CYP11B1: variants seen among roughly 807,000 people sequenced by gnomAD.
The protein encoded by CYP11B1 is cytochrome P450 11B1, mitochondrial.
CYP11B1 carries 34 observed loss-of-function variants against 48.3 expected under a neutral mutation model. The ratio of observed to expected loss-of-function variants is 0.70; its 90% CI spans 0.54 to 0.94. CYP11B1 has a LOEUF of 0.94. Among genes scored for constraint, CYP11B1 ranks in the 40% least tolerant of loss-of-function variants. The probability of loss-of-function intolerance (pLI) is 0.00; values close to 1 mark genes in which losing one functional copy is unlikely to be tolerated. For missense variants in CYP11B1, 688 were observed against 657.4 expected, an observed-to-expected ratio of 1.05 and a Z score of -0.51; for synonymous variants, 291 against 262.5, an observed-to-expected ratio of 1.11 and a Z score of -1.05.
At chr8:142,877,702 T>C in intron 2 of CYP11B1, 2 of 1,552,018 alleles carry the variant, frequency 1.3e-6, no homozygotes, top group Non-Finnish European at 1.8e-6. Context: ...CCCAGTGAAG[T>C]GTCTGCATCT....
At chr8:142,878,966 C>T in intron 2 of CYP11B1, 66 bp downstream of exon 2, 4 of 1,591,260 alleles carry the variant, frequency 2.5e-6, no homozygotes, top group Non-Finnish European at 2.6e-6. Context: ...TTGGGTCCTG[C>T]CTCTCTCGCC....
Position 142,874,944 on chromosome 8 carries a change from C to T in CYP11B1, c.1398+13G>A, listed in dbSNP as rs749310551. 13 of 1,612,364 alleles carry T rather than the reference C, an allele frequency of 8.1e-6. No individual in the cohort carries two copies. The highest frequency in any genetic ancestry group is 1.1e-5 in the South Asian group (1 of 91,022). On this transcript the variant is annotated intron_variant, in intron 8 of 8. Coordinates refer to ENST00000292427, the MANE Select transcript of CYP11B1 (RefSeq NM_000497.4). ...ACCCCGCCCAGGCCCCTCCCCAGCC[C>T]GGGCCTGCTCACATGGTGCAGCAGC...
chr8:142,879,188 C>A lies in CYP11B1; in HGVS notation c.240-1G>T. On this transcript the variant is annotated splice_acceptor_variant, in intron 1 of 8. Coordinates refer to ENST00000292427, the MANE Select transcript of CYP11B1 (RefSeq NM_000497.4). LOFTEE classifies it high-confidence loss of function. ...CATGCCTGCTCCTCCCAAGTCGTAC[C>A]TGTGGGGCCAAGCACGAGGCCGTGC... is the stretch of plus-strand genomic sequence containing the variant. 1 of 1,614,074 alleles carries A rather than the reference C, an allele frequency of 6.2e-7. No homozygotes were observed. The highest frequency in any genetic ancestry group is 8.5e-7 in the Non-Finnish European group (1 of 1,180,002).
chr8:142,876,407 G>A lies in CYP11B1; in HGVS notation c.800-12C>T, dbSNP rs376065546. 82 of 1,611,178 alleles carry A rather than the reference G, an allele frequency of 5.1e-5. No individual in the cohort carries two copies. The highest frequency in any genetic ancestry group is 6.6e-5 in the Non-Finnish European group (78 of 1,178,632). On this transcript the variant is annotated splice_polypyrimidine_tract_variant and intron_variant, in intron 4 of 8. Coordinates refer to ENST00000292427, the MANE Select transcript of CYP11B1 (RefSeq NM_000497.4). ...GATACAGTTGTCGCCTATCCGGGGAGCGGGAGGCAGCCCTCAGACTTTGGT... is the reference window on the plus strand; with the variant it reads ...GATACAGTTGTCGCCTATCCGGGGAACGGGAGGCAGCCCTCAGACTTTGGT...
chr8:142,876,615 G>A, intron 4 of CYP11B1, 67 bp downstream of exon 4: 1 of 1,568,158 alleles, frequency 6.4e-7, no homozygotes, highest in Non-Finnish European at 8.6e-7. Context: ...ACTGGGTGGT[G>A]GAGAGGGAGA....
chr8:142,874,392 G>C lies in CYP11B1; in HGVS notation c.1493C>G (p.Thr498Ser). Residue 498 changes from threonine (T) to serine (S), a missense_variant, in exon 9 of 9, where the codon ACC (threonine) becomes AGC (serine). Thr to Ser is a moderately conservative substitution (Grantham distance 58). Coordinates refer to ENST00000292427, the MANE Select transcript of CYP11B1 (RefSeq NM_000497.4). ...ACGTGATTAGTTGATGGCTCTGAAG[G>C]TGAGGAGGGGGAACATGCTGGGCCT... ...ILRPSMFPLLTFRAIN is the reference protein window; with the variant it reads ...ILRPSMFPLLSFRAIN 8 of 1,613,590 alleles carry C rather than the reference G, an allele frequency of 5.0e-6. No individual in the cohort carries two copies. The highest frequency in any genetic ancestry group is 6.8e-6 in the Non-Finnish European group (8 of 1,179,500).
chr8:142,876,411 G>C lies in CYP11B1; in HGVS notation c.800-16C>G, dbSNP rs1047606645. The C allele has an allele frequency of 8.1e-6, 13 of 1,610,700 alleles. No individual in the cohort carries two copies. In the African/African-American group the frequency reaches 1.3e-4, roughly 17 times the overall value. On this transcript the variant is annotated splice_polypyrimidine_tract_variant and intron_variant, in intron 4 of 8. Transcript: ENST00000292427. ...CAGTTGTCGCCTATCCGGGGAGCGG[G>C]AGGCAGCCCTCAGACTTTGGTGCTG...
Position 142,874,289 on chromosome 8 carries a change from A to G in CYP11B1, c.*84T>C. 1.1e-6 allele frequency: 1 copy of G among 913,312 alleles called. No individual in the cohort carries two copies. The highest frequency in any genetic ancestry group is 1.3e-5 in the South Asian group (1 of 76,790). The allele number at this position is 913,312 out of a possible 1,614,324, so 56.6% of individuals were successfully genotyped here. ...AGAGGGGTGACTCAGGAAGCTGTGCATGTGGGAGAGAAGAGGGGTGGCCTG... is the reference window on the plus strand; with the variant it reads ...AGAGGGGTGACTCAGGAAGCTGTGCGTGTGGGAGAGAAGAGGGGTGGCCTG... On this transcript the variant is annotated 3_prime_UTR_variant, in exon 9 of 9. Transcript: ENST00000292427.
rs199962349 is a variant in CYP11B1 at position 142,876,271 on chromosome 8, A to G, written c.924T>C (p.Ser308=). The change falls in exon 5 of 9, where the codon TCT becomes TCC. Residue 308 remains serine (S), a synonymous_variant. Transcript: ENST00000292427. ...ELSPDAIKAN[S]MELTAGSVDT... ...CCACGCTCCCTGCAGTGAGTTCCAT[A>G]GAGTTGGCCTTGATGGCATCTGGCG... The G allele has an allele frequency of 6.2e-7, 1 of 1,614,188 alleles. No homozygotes were observed. Among genetic ancestry groups the G allele is most frequent in the East Asian group, 2.2e-5 (1 of 44,862 alleles).
Position 142,872,542 on chromosome 8 carries a change from T to G in CYP11B1, c.*1831A>C, listed in dbSNP as rs950171451. The G allele has an allele frequency of 6.6e-6, 1 of 152,222 alleles. No individual in the cohort carries two copies. The highest frequency in any genetic ancestry group is 1.9e-4 in the East Asian group (1 of 5,204). The allele number at this position is 152,222 out of a possible 1,614,324, so 9.4% of individuals were successfully genotyped here. ...TTTCATAGGTTCGCAGCAAGAACAG[T>G]TGGACTCAGGATAAATTGTACCTTG... On this transcript the variant is annotated 3_prime_UTR_variant, in exon 9 of 9. Transcript: ENST00000292427.
Position 142,874,359 on chromosome 8 carries a change from G to A in CYP11B1, c.*14C>T, listed in dbSNP as rs748474625. 1.9e-6 allele frequency: 3 copies of A among 1,586,576 alleles called. No individual in the cohort carries two copies. The highest frequency in any genetic ancestry group is 1.3e-5 in the African/African-American group (1 of 74,480). ...GCTGGTGGCCAGGCTGGGACCCTGG[G>A]TGCAGAGACGTGATTAGTTGATGGC... On this transcript the variant is annotated 3_prime_UTR_variant, in exon 9 of 9. Transcript: ENST00000292427.
Position 142,879,805 on chromosome 8 carries a change from G to C in CYP11B1, c.9C>G (p.Leu3=), listed in dbSNP as rs200581194. MA[L]RAKAEVCMAV... ...CCATGCACACCTCTGCCTTTGCCCTGAGTGCCATTCCAATGCTCCCTCCAC... is the reference window on the plus strand; with the variant it reads ...CCATGCACACCTCTGCCTTTGCCCTCAGTGCCATTCCAATGCTCCCTCCAC... Residue 3 remains leucine (L), a synonymous_variant, in exon 1 of 9, where the codon CTC becomes CTG. Transcript: ENST00000292427. 5 of 1,613,660 alleles carry C rather than the reference G, an allele frequency of 3.1e-6. No individual in the cohort carries two copies. Among genetic ancestry groups the C allele is most frequent in the Admixed American group, 3.3e-5 (2 of 60,012 alleles).
intron 8 of CYP11B1, 28 bp downstream of exon 8, chr8:142,874,929 G>A (rs1447865557): frequency 6.2e-7 from 1 of 1,611,158 alleles, no homozygotes; most frequent in Non-Finnish European, 8.5e-7. Flanking sequence ...ACCCCGCCCA[G>A]GCCCCTCCCC....
chr8:142,878,026 C>T (rs996540991), intron 2 of CYP11B1, among the ~76,000 whole-genome samples: 6 of 150,298 alleles, frequency 4.0e-5, no homozygotes, highest in South Asian at 2.2e-4. Context: ...CAGAGACACT[C>T]GTGCACACAC....
chr8:142,876,009 C>G (rs1234509572), intron 5 of CYP11B1, 131 bp from the exon 6 acceptor site: 13 of 1,259,492 alleles, frequency 1.0e-5, no homozygotes, highest in African/African-American at 1.5e-5. Context: ...CCCAAGACTT[C>G]AAATCCTAAT....
chr8:142,877,207 C>A lies in CYP11B1; in HGVS notation c.411G>T (p.Trp137Cys). Residue 137 changes from tryptophan (W) to cysteine (C), a missense_variant, in exon 3 of 9, where the codon TGG (tryptophan) becomes TGT (cysteine). By Grantham distance (215) the Trp-to-Cys change is radical (BLOSUM62 -2). Coordinates refer to ENST00000292427, the MANE Select transcript of CYP11B1 (RefSeq NM_000497.4). ...CGVFLLNGPE[W>C]RFNRLRLNPE... ...GATTCAGCCGCAATCGGTTGAAGCG[C>A]CATTCAGGCCCATTCCTACAGAGGC... 6.2e-7 allele frequency: 1 copy of A among 1,613,048 alleles called. No homozygotes were observed. Among genetic ancestry groups the A allele is most frequent in the Non-Finnish European group, 8.5e-7 (1 of 1,179,566 alleles).
At chr8:142,877,700 A>G (rs1817005655) in intron 2 of CYP11B1, 1 of 1,547,432 alleles carries the variant, frequency 6.5e-7, no homozygotes, top group African/African-American at 1.4e-5. Context: ...GCCCCAGTGA[A>G]GTGTCTGCAT....
In CYP11B1 at chr8:142,877,162, G is replaced by T. The variant is rs61751149; in HGVS notation, c.456C>A (p.Asn152Lys). The T allele has an allele frequency of 6.2e-7, 1 of 1,613,776 alleles. No individual in the cohort carries two copies. Among genetic ancestry groups the T allele is most frequent in the Non-Finnish European group, 8.5e-7 (1 of 1,179,850 alleles). The change falls in exon 3 of 9, where the codon AAC (asparagine) becomes AAA (lysine). Residue 152 changes from asparagine to lysine, a missense_variant. Coordinates refer to ENST00000292427, the MANE Select transcript of CYP11B1 (RefSeq NM_000497.4). ...LRLNPEVLSP[N>K]AVQRFLPMVD... ...CCATCGGGAGGAACCTCTGCACAGC[G>T]TTGGGCGACAGCACTTCTGGATTCA...
chr8:142,876,959 C>A, intron 3 of CYP11B1, 64 bp downstream of exon 3: 1 of 1,612,172 alleles, frequency 6.2e-7, no homozygotes. Context: ...TCCCTTCAGT[C>A]CCCCATCCCC....
Sources: allele counts gnomAD v4.1 joint callset (sites outside exome capture counted in the v4.1 genomes callset), GRCh38; gene constraint gnomAD v4.1.1; transcripts MANE v1.5; gene names NCBI Gene and HGNC (gene_info 2026-07-23, HGNC 2026-07-21).